Variants in ERCC3 observed in about 807,000 individuals in gnomAD.
ERCC3 encodes general transcription and DNA repair factor IIH helicase/translocase subunit XPB.
A neutral mutation model predicts 94.2 loss-of-function variants in ERCC3; 66 were observed. The observed-to-expected ratio is 0.70, with a 90% CI of 0.57 to 0.86. The LOEUF (loss-of-function observed/expected upper bound fraction) is 0.86. Among genes scored for constraint, ERCC3 ranks in the 40% least tolerant of loss-of-function variants. The pLI is 0.00. For missense variants in ERCC3, 829 were observed against 987.1 expected, an observed-to-expected ratio of 0.84 and a Z score of 2.15; for synonymous variants, 349 against 369.1, an observed-to-expected ratio of 0.95 and a Z score of 0.63.
rs879304604 is a variant in ERCC3 at position 127,264,699 on chromosome 2, GT to G, written c.1946-3354del. Among the ~76,000 whole-genome samples the G allele has an allele frequency of 6.6e-6, 1 of 152,120 alleles. No individual in the cohort carries two copies. The highest frequency in any genetic ancestry group is 1.5e-5 in the Non-Finnish European group (1 of 68,032). ...TGTTCATCAGGAATACTAGCCTGTA[GT>G]TTTTTCATCGTGTCTTTGCCAGATT... is the stretch of plus-strand genomic sequence containing the variant. On this transcript the variant is annotated intron_variant, in intron 12 of 14. Transcript: ENST00000285398. This position sits in a 1 kb window ranked among gnomAD's most constrained non-coding sequence, Gnocchi z 4.4.
intron 12 of ERCC3, among the ~76,000 whole-genome samples, chr2:127,265,519 C>G (rs192410309): frequency 1.3e-5 from 2 of 151,996 alleles, no homozygotes; most frequent in Admixed American, 1.3e-4. Context: ...CCTGGGTTCA[C>G]GCAATTCTCC....
intron 8 of ERCC3, among the ~76,000 whole-genome samples, chr2:127,281,865 T>G (rs1451451246): frequency 6.6e-6 from 1 of 151,858 alleles, no homozygotes; most frequent in Non-Finnish European, 1.5e-5. Context: ...GCCAAGAACC[T>G]CAGACCAAGC....
Position 127,280,712 on chromosome 2 carries a change from A to T in ERCC3, c.1343-81T>A, listed in dbSNP as rs945079241. 1 of 1,292,394 alleles carries T rather than the reference A, an allele frequency of 7.7e-7. No homozygotes were observed. Among genetic ancestry groups the T allele is most frequent in the African/African-American group, 1.5e-5 (1 of 67,476 alleles). 80.1% of individuals were successfully genotyped at this position (1,292,394 alleles called of 1,614,324 possible). A position where few individuals can be genotyped will look rare whatever the true frequency, so the allele number is the denominator to read the frequency against. ...ATTTATTTTAAAATATTTTTTGTAGAGATGGGGTCTCATTATATTGCCCAG... is the reference window on the plus strand; with the variant it reads ...ATTTATTTTAAAATATTTTTTGTAGTGATGGGGTCTCATTATATTGCCCAG... On this transcript the variant is annotated intron_variant, in intron 8 of 14. Transcript: ENST00000285398. The surrounding 1 kb of genome is among the most constrained non-coding windows in gnomAD (Gnocchi z 6.3).
chr2:127,287,888 C>G (rs1685131925), intron 7 of ERCC3, among the ~76,000 whole-genome samples: 1 of 152,142 alleles, frequency 6.6e-6, no homozygotes, highest in Admixed American at 6.5e-5. Flanking sequence ...AGAGAAAAAT[C>G]AAGCTTTTCC....
At chr2:127,289,999 T>G (rs951460627) in intron 4 of ERCC3, 175 bp from the exon 5 acceptor site, 12 of 864,084 alleles carry the variant, frequency 1.4e-5, no homozygotes, top group Non-Finnish European at 2.2e-5. Context: ...GGTTGTGACT[T>G]TGAGGTCAAG....
Position 127,284,608 on chromosome 2 carries a change from T to A in ERCC3, c.1342+2095A>T, listed in dbSNP as rs1157756597. Reference sequence around the variant, plus strand: ...CCATTTTGACATTTTGAACACTACCTGTGAAAATGCCTCAGATTTCATTTT... The same window carrying A: ...CCATTTTGACATTTTGAACACTACCAGTGAAAATGCCTCAGATTTCATTTT... On this transcript the variant is annotated intron_variant, in intron 8 of 14. Coordinates refer to ENST00000285398, the MANE Select transcript of ERCC3 (RefSeq NM_000122.2). The surrounding 1 kb of genome is among the most constrained non-coding windows in gnomAD (Gnocchi z 4.1). Among the ~76,000 whole-genome samples, 2 of 152,214 alleles carry A rather than the reference T, an allele frequency of 1.3e-5. No homozygotes were observed. Among genetic ancestry groups the A allele is most frequent in the East Asian group, 3.8e-4 (2 of 5,202 alleles).
chr2:127,289,136 C>T (rs527996434), intron 6 of ERCC3, among the ~76,000 whole-genome samples: 1 of 152,172 alleles, frequency 6.6e-6, no homozygotes, highest in East Asian at 1.9e-4. Flanking sequence ...GCCTACCAGC[C>T]TGAAAAAGAG....
In ERCC3 at chr2:127,292,620, T is replaced by C. The variant is rs376722014; in HGVS notation, c.461A>G (p.Gln154Arg). 6.2e-6 allele frequency: 10 copies of C among 1,609,574 alleles called. No homozygotes were observed. Among genetic ancestry groups the C allele is most frequent in the African/African-American group, 1.3e-5 (1 of 74,844 alleles). ...SKTGVPDGIM[Q>R]FIKLCTVSYG... ...TCAGCTGTCACTTGCCTTAATAAACTGCATAATTCCATCAGGGACTCCAGT... is the reference window on the plus strand; with the variant it reads ...TCAGCTGTCACTTGCCTTAATAAACCGCATAATTCCATCAGGGACTCCAGT... Residue 154 changes from glutamine to arginine, a missense_variant, in exon 3 of 15, where the codon CAG becomes CGG. Physicochemically the swap from Gln to Arg is conservative, Grantham distance 43. Coordinates refer to ENST00000285398, the MANE Select transcript of ERCC3 (RefSeq NM_000122.2).
chr2:127,288,049 T>G (rs2104773251), intron 7 of ERCC3, among the ~76,000 whole-genome samples: 1 of 152,310 alleles, frequency 6.6e-6, no homozygotes, highest in South Asian at 2.1e-4. Flanking sequence ...TCCCCTTCCC[T>G]GAAGACCTTG....
In ERCC3 at chr2:127,294,074, T is replaced by C. The variant is rs1028560626; in HGVS notation, c.8A>G (p.Lys3Arg). ...CTCACCGCGGTCCGCTCGGTCTCTT[T>C]TGCCCATGGCAGCTACAGCAGCAGA... Reference protein sequence around the residue: MGKRDRADRDKKK... With the variant: MGRRDRADRDKKK... Residue 3 changes from lysine (K) to arginine (R), a missense_variant, in exon 1 of 15, where the codon AAA (lysine) becomes AGA (arginine). Lys to Arg is a conservative substitution (Grantham distance 26, BLOSUM62 2). Coordinates refer to ENST00000285398, the MANE Select transcript of ERCC3 (RefSeq NM_000122.2). 3.1e-6 allele frequency: 5 copies of C among 1,608,374 alleles called. No individual in the cohort carries two copies. The African/African-American group carries it at 6.7e-5, about 21-fold the overall frequency.
chr2:127,259,443 G>C lies in ERCC3; in HGVS notation c.2070C>G (p.Ile690Met). 6.2e-7 allele frequency: 1 copy of C among 1,614,108 alleles called. No homozygotes were observed. The highest frequency in any genetic ancestry group is 8.5e-7 in the Non-Finnish European group (1 of 1,180,026). The change falls in exon 14 of 15, where the codon ATC (isoleucine) becomes ATG (methionine). Residue 690 changes from isoleucine to methionine, a missense_variant. Transcript: ENST00000285398. This position sits in a 1 kb window ranked among gnomAD's most constrained non-coding sequence, Gnocchi z 4.9. ...CCTCCTCCATGCCAGCGAGTTTCGT[G>C]ATCACCTGCAAAGCCCAAGCCAGCA... ...LVDQGYSFKV[I>M]TKLAGMEEED...
chr2:127,270,382 G>A (rs1256687142), intron 12 of ERCC3, among the ~76,000 whole-genome samples: 1 of 152,184 alleles, frequency 6.6e-6, no homozygotes, highest in Non-Finnish European at 1.5e-5. Flanking sequence ...TGGCAAGACA[G>A]GATTGTCACC....
At chr2:127,266,286 C>A (rs1158323025) in intron 12 of ERCC3, among the ~76,000 whole-genome samples, 4 of 147,662 alleles carry the variant, frequency 2.7e-5, no homozygotes, top group Non-Finnish European at 5.9e-5. Context: ...CCACTGTGAC[C>A]CAAGAAAATG....
chr2:127,280,679 T>TTTTA lies in ERCC3; in HGVS notation c.1343-52_1343-49dup, dbSNP rs751744756. On this transcript the variant is annotated intron_variant, in intron 8 of 14. Coordinates refer to ENST00000285398, the MANE Select transcript of ERCC3 (RefSeq NM_000122.2). This position sits in a 1 kb window ranked among gnomAD's most constrained non-coding sequence, Gnocchi z 6.3. ...CACACTGTCACTTTTCTTTCTTATT[T>TTTTA]TTTATTTATTTATTTTAAAATATTT... 1 of 1,483,248 alleles carries TTTTA rather than the reference T, an allele frequency of 6.7e-7. No individual in the cohort carries two copies. 91.9% of individuals were successfully genotyped at this position (1,483,248 alleles called of 1,614,324 possible).
Position 127,280,796 on chromosome 2 carries a change from G to C in ERCC3, c.1343-165C>G. 3.0e-6 allele frequency: 2 copies of C among 677,566 alleles called. No homozygotes were observed. The highest frequency in any genetic ancestry group is 3.7e-5 in the South Asian group (2 of 53,916). 42.0% of individuals were successfully genotyped at this position (677,566 alleles called of 1,614,324 possible). On this transcript the variant is annotated intron_variant, in intron 8 of 14. Transcript: ENST00000285398. This position sits in a 1 kb window ranked among gnomAD's most constrained non-coding sequence, Gnocchi z 6.3. ...CCTGCCTTCGCCTCCCAAAGTGCTG[G>C]GATTACAGACGTGACCCACTGCACC...
chr2:127,280,713 G>T lies in ERCC3; in HGVS notation c.1343-82C>A. The T allele has an allele frequency of 7.8e-7, 1 of 1,285,128 alleles. No homozygotes were observed. Among genetic ancestry groups the T allele is most frequent in the Non-Finnish European group, 1.1e-6 (1 of 913,082 alleles). 79.6% of individuals were successfully genotyped at this position (1,285,128 alleles called of 1,614,324 possible). A position where few individuals can be genotyped will look rare whatever the true frequency, so the allele number is the denominator to read the frequency against. ...TTTATTTTAAAATATTTTTTGTAGA[G>T]ATGGGGTCTCATTATATTGCCCAGG... On this transcript the variant is annotated intron_variant, in intron 8 of 14. Coordinates refer to ENST00000285398, the MANE Select transcript of ERCC3 (RefSeq NM_000122.2). The surrounding 1 kb of genome is among the most constrained non-coding windows in gnomAD (Gnocchi z 6.3).
chr2:127,289,528 G>A (rs371665290), intron 5 of ERCC3, 27 bp from the exon 6 acceptor site: 43 of 1,611,740 alleles, frequency 2.7e-5, no homozygotes, highest in Middle Eastern at 2.2e-4. Context: ...TGCTGAACGT[G>A]CACACAACAT....
chr2:127,275,140 C>G (rs1684693224), intron 10 of ERCC3, among the ~76,000 whole-genome samples: 1 of 152,142 alleles, frequency 6.6e-6, no homozygotes, highest in Non-Finnish European at 1.5e-5. Flanking sequence ...GAGCCAAAAG[C>G]TTGGAGAATC....
chr2:127,272,739 C>T (rs993402545), intron 11 of ERCC3, 126 bp downstream of exon 11: 6 of 714,826 alleles, frequency 8.4e-6, no homozygotes, highest in African/African-American at 3.5e-5. Context: ...CTGGACATGT[C>T]GGAAATGAAA....
Sources: allele counts gnomAD v4.1 joint callset (sites outside exome capture counted in the v4.1 genomes callset), GRCh38; gene constraint gnomAD v4.1.1; non-coding constraint Gnocchi (gnomAD v3.1); transcripts MANE v1.5; gene names NCBI Gene and HGNC (gene_info 2026-07-23, HGNC 2026-07-21).